The following HECW1 variants were observed in gnomAD, a reference collection of about 807,000 sequenced individuals.
HECW1 encodes E3 ubiquitin-protein ligase HECW1.
In HECW1, 61 loss-of-function variants were observed where a neutral mutation model predicts 182.3. The observed-to-expected ratio is 0.33, with a 90% CI of 0.27 to 0.41. The LOEUF (loss-of-function observed/expected upper bound fraction) is 0.41. Ranked by LOEUF, HECW1 falls within the 10% of genes least tolerant of loss-of-function variation. HECW1 has a pLI of 1.00. For missense variants in HECW1, 1,739 were observed against 2,108.9 expected, an observed-to-expected ratio of 0.82 and a Z score of 3.44; for synonymous variants, 859 against 832.6, an observed-to-expected ratio of 1.03 and a Z score of -0.55.
chr7:43,560,627 C>T (rs549625581), intron 29 of HECW1, among the ~76,000 whole-genome samples: 2 of 152,248 alleles, frequency 1.3e-5, no homozygotes, highest in African/African-American at 2.4e-5. Flanking sequence ...AATCTCCCCC[C>T]GTAACCTGAG....
At chr7:43,119,775 CT>C (rs1482420868) in intron 2 of HECW1, among the ~76,000 whole-genome samples, 1 of 152,192 alleles carries the variant, frequency 6.6e-6, no homozygotes, top group African/African-American at 2.4e-5. Flanking sequence ...GGTCAAATAC[CT>C]GTGAGTCCCT....
intron 28 of HECW1, among the ~76,000 whole-genome samples, chr7:43,554,293 G>A (rs1385384239): frequency 6.6e-6 from 1 of 152,192 alleles, no homozygotes; most frequent in African/African-American, 2.4e-5. Flanking sequence ...ACCTATATGA[G>A]GCAGGAACAT....
chr7:43,333,277 T>G (rs1811719671), intron 5 of HECW1, among the ~76,000 whole-genome samples: 1 of 152,202 alleles, frequency 6.6e-6, no homozygotes, highest in African/African-American at 2.4e-5. Context: ...TATACAGTCT[T>G]TCTCATATCC....
rs542070346 is a variant in HECW1, at chr7:43,564,692, A to G, written c.*2766A>G. ...GAAGAAAAACAAAGAGAAGAGGAACACAGAAACAAGTTATGGAAATTCATG... is the reference window on the plus strand; with the variant it reads ...GAAGAAAAACAAAGAGAAGAGGAACGCAGAAACAAGTTATGGAAATTCATG... On this transcript the variant is annotated 3_prime_UTR_variant, in exon 30 of 30. Transcript: ENST00000395891. 3.4e-4 allele frequency: 61 copies of G among 180,724 alleles called. No homozygotes were observed. Among genetic ancestry groups the G allele is most frequent in the African/African-American group, 1.3e-3 (57 of 42,542 alleles). 11.2% of individuals were successfully genotyped at this position (180,724 alleles called of 1,614,324 possible). A position where few individuals can be genotyped will look rare whatever the true frequency, so the allele number is the denominator to read the frequency against.
intron 8 of HECW1, among the ~76,000 whole-genome samples, chr7:43,424,320 A>C (rs1244512164): frequency 6.6e-6 from 1 of 152,186 alleles, no homozygotes; most frequent in Non-Finnish European, 1.5e-5. Flanking sequence ...AAAAAAAGTT[A>C]CTAAAAAAAT....
At position 43,156,501 on chromosome 7, in the gene HECW1, C is replaced by T. The variant is rs148304761; in HGVS notation, c.-32+42110C>T. Reference sequence around the variant, plus strand: ...TAATGAAATAAAATTAATATTTCAGCGATAACACAACTGCAACCTCAAAAT... The same window carrying T: ...TAATGAAATAAAATTAATATTTCAGTGATAACACAACTGCAACCTCAAAAT... On this transcript the variant is annotated intron_variant, in intron 2 of 29. Coordinates refer to ENST00000395891, the MANE Select transcript of HECW1 (RefSeq NM_015052.5). Among the ~76,000 whole-genome samples, 409 of 152,254 alleles carry T rather than the reference C, an allele frequency of 2.7e-3. 1 individual carries two copies. Among genetic ancestry groups the T allele is most frequent in the African/African-American group, 8.5e-3 (353 of 41,544 alleles).
chr7:43,468,862 T>C, intron 15 of HECW1, 58 bp from the exon 16 acceptor site: 1 of 1,492,852 alleles, frequency 6.7e-7, no homozygotes, highest in Non-Finnish European at 9.3e-7. Flanking sequence ...ATAGTGTGCT[T>C]GCTCTATGTT....
chr7:43,520,559 A>G (rs2080417766), intron 24 of HECW1, among the ~76,000 whole-genome samples: 1 of 152,118 alleles, frequency 6.6e-6, no homozygotes, highest in South Asian at 2.1e-4. Context: ...TAGTTCATTC[A>G]TGATTTCTTC....
At chr7:43,469,916 A>G (rs1024389469) in intron 16 of HECW1, among the ~76,000 whole-genome samples, 3 of 152,210 alleles carry the variant, frequency 2.0e-5, no homozygotes, top group African/African-American at 7.2e-5. Flanking sequence ...CGTTCCCCAA[A>G]GGGAGCTGAT....
At position 43,320,542 on chromosome 7, in the gene HECW1, C is replaced by G. The variant is rs182879523; in HGVS notation, c.353-93C>G. On this transcript the variant is annotated intron_variant, in intron 4 of 29. Transcript: ENST00000395891. The stretch of plus-strand genomic sequence containing the variant: ...GCTTTTTCTTCTGTTGAGATGGAAG[C>G]AGCATTTGTATCCTTTGCTTTTCTT... The G allele has an allele frequency of 1.0e-4, 85 of 841,286 alleles. 1 individual carries two copies. The highest frequency in any genetic ancestry group is 7.4e-4 in the Middle Eastern group (3 of 4,050). 52.1% of individuals were successfully genotyped at this position (841,286 alleles called of 1,614,324 possible). A position where few individuals can be genotyped will look rare whatever the true frequency, so the allele number is the denominator to read the frequency against.
Position 43,311,996 on chromosome 7 carries a change from C to T in HECW1, c.261C>T (p.Tyr87=). ...SRSTLMVSSS[Y]YSIGHSQDLV... ...CCACGCTCATGGTCAGCAGCTCCTA[C>T]TATTCCATCGGGCACTCTCAGGACC... The change falls in exon 4 of 30, where the codon TAC becomes TAT. Residue 87 remains tyrosine, a synonymous_variant. Transcript: ENST00000395891. 6.2e-7 allele frequency: 1 copy of T among 1,614,172 alleles called. No homozygotes were observed. Among genetic ancestry groups the T allele is most frequent in the Non-Finnish European group, 8.5e-7 (1 of 1,179,960 alleles).
chr7:43,327,718 T>C (rs1168194571), intron 5 of HECW1, among the ~76,000 whole-genome samples: 1 of 152,124 alleles, frequency 6.6e-6, no homozygotes, highest in African/African-American at 2.4e-5. Flanking sequence ...ACCAAGTCCA[T>C]AGGCACTCTC....
At chr7:43,379,903 A>G (rs2074476805) in intron 6 of HECW1, among the ~76,000 whole-genome samples, 1 of 152,216 alleles carries the variant, frequency 6.6e-6, no homozygotes. Flanking sequence ...CTCCAGGGGC[A>G]GAGATGTACC....
intron 19 of HECW1, among the ~76,000 whole-genome samples, chr7:43,499,055 C>A (rs1183840643): frequency 1.3e-5 from 2 of 151,600 alleles, no homozygotes; most frequent in Non-Finnish European, 1.5e-5. Flanking sequence ...CTGAGGCAGG[C>A]GAATCTCTTG....
chr7:43,458,816 A>G (rs1290308208), intron 13 of HECW1, among the ~76,000 whole-genome samples: 1 of 152,234 alleles, frequency 6.6e-6, no homozygotes, highest in Non-Finnish European at 1.5e-5. Context: ...AGAGAAATTT[A>G]CAATGATTAC....
chr7:43,407,845 T>G, intron 8 of HECW1, 114 bp downstream of exon 8: 1 of 915,122 alleles, frequency 1.1e-6, no homozygotes, highest in Non-Finnish European at 1.6e-6. Flanking sequence ...GCTCAATCTA[T>G]GGCTGTCATG....
intron 2 of HECW1, among the ~76,000 whole-genome samples, chr7:43,212,143 T>C (rs538729908): frequency 5.3e-5 from 8 of 152,246 alleles, no homozygotes; most frequent in Non-Finnish European, 8.8e-5. Context: ...ATTTTTGCTA[T>C]TGATTCTTGT....
At chr7:43,146,458 A>G (rs1454119176) in intron 2 of HECW1, among the ~76,000 whole-genome samples, 1 of 152,220 alleles carries the variant, frequency 6.6e-6, no homozygotes, top group Non-Finnish European at 1.5e-5. Flanking sequence ...TATTTTGGTT[A>G]TAAGGCAGTA....
At chr7:43,163,270 T>C (rs116563002) in intron 2 of HECW1, 3 of 152,378 alleles carry the variant, frequency 2.0e-5, no homozygotes, top group African/African-American at 7.2e-5. Flanking sequence ...ATTACTAGTT[T>C]GAGGATTGCA....
Sources: allele counts gnomAD v4.1 joint callset (sites outside exome capture counted in the v4.1 genomes callset), GRCh38; gene constraint gnomAD v4.1.1; transcripts MANE v1.5; gene names NCBI Gene and HGNC (gene_info 2026-07-23, HGNC 2026-07-21).